The following MARCHF1 variants were observed in gnomAD, a reference collection of about 807,000 sequenced individuals.
The protein encoded by MARCHF1 is E3 ubiquitin-protein ligase MARCHF1.
In MARCHF1, 40 loss-of-function variants were observed where a neutral mutation model predicts 54.2. That is an observed-to-expected ratio of 0.74 (90% CI 0.57 to 0.96). The LOEUF is 0.96. Ranked by LOEUF, MARCHF1 falls within the 40% of genes least tolerant of loss-of-function variation. The pLI is 0.00. For synonymous variants in MARCHF1, 236 were observed against 236.3 expected (o/e 1.00, Z 0.01); for missense variants, 586 against 656.5 (o/e 0.89, Z 1.17).
chr4:163,912,014 T>C (rs1241630411), intron 3 of MARCHF1, among the ~76,000 whole-genome samples: 1 of 151,282 alleles, frequency 6.6e-6, no homozygotes, highest in Non-Finnish European at 1.5e-5. Context: ...AGAAAAGAAA[T>C]CGTTAGTCTA....
chr4:164,011,634 C>G (rs1261987883), intron 2 of MARCHF1, among the ~76,000 whole-genome samples: 1 of 152,094 alleles, frequency 6.6e-6, no homozygotes, highest in African/African-American at 2.4e-5. Context: ...CAGATGCTGG[C>G]AAGATGTGGG....
At chr4:164,208,582 A>C (rs1212331329) in intron 1 of MARCHF1, among the ~76,000 whole-genome samples, 2 of 152,192 alleles carry the variant, frequency 1.3e-5, no homozygotes, top group African/African-American at 4.8e-5. Flanking sequence ...CATTCTTCTC[A>C]ACATGGATAA....
At chr4:163,643,433 C>T (rs1432968822) in intron 5 of MARCHF1, among the ~76,000 whole-genome samples, 2 of 152,098 alleles carry the variant, frequency 1.3e-5, no homozygotes, top group Non-Finnish European at 2.9e-5. Flanking sequence ...CTTTAGCAGC[C>T]TCAAACTCCT....
intron 2 of MARCHF1, among the ~76,000 whole-genome samples, chr4:164,095,864 A>G (rs954316553): frequency 1.3e-5 from 2 of 152,132 alleles, no homozygotes; most frequent in African/African-American, 4.8e-5. Flanking sequence ...AACCACAATG[A>G]CATACCATCT....
intron 3 of MARCHF1, among the ~76,000 whole-genome samples, chr4:163,888,769 G>T (rs1040387365): frequency 4.6e-5 from 7 of 152,060 alleles, no homozygotes; most frequent in African/African-American, 7.2e-5. Context: ...CCCTCTGAAG[G>T]TTTTTTGGTT....
At chr4:163,678,144 T>C (rs1255977264) in intron 5 of MARCHF1, among the ~76,000 whole-genome samples, 3 of 152,204 alleles carry the variant, frequency 2.0e-5, no homozygotes, top group Non-Finnish European at 1.5e-5. Flanking sequence ...ATTCCTTGAT[T>C]CTCTGTTCTT....
intron 3 of MARCHF1, among the ~76,000 whole-genome samples, chr4:163,894,237 A>G (rs557536798): frequency 6.6e-6 from 1 of 152,110 alleles, no homozygotes; most frequent in South Asian, 2.1e-4. Context: ...CAGTTTGGCA[A>G]TTTTCCTCTA....
At chr4:164,207,240 A>G (rs189055169) in intron 1 of MARCHF1, among the ~76,000 whole-genome samples, 65 of 152,362 alleles carry the variant, frequency 4.3e-4, no homozygotes, top group African/African-American at 1.5e-3. Context: ...TCTGTATAAC[A>G]TGATCTCCTG....
At chr4:163,581,191 G>A (rs1740219765) in intron 8 of MARCHF1, among the ~76,000 whole-genome samples, 2 of 152,192 alleles carry the variant, frequency 1.3e-5, no homozygotes, top group Admixed American at 1.3e-4. Context: ...TTTAGAATCA[G>A]GGAGCTTTGA....
chr4:163,983,443 C>A (rs1461689481), intron 3 of MARCHF1, among the ~76,000 whole-genome samples: 1 of 151,936 alleles, frequency 6.6e-6, no homozygotes, highest in Non-Finnish European at 1.5e-5. Flanking sequence ...AAAATGAATT[C>A]TAGTCATATT....
chr4:163,930,834 G>A (rs932596272), intron 3 of MARCHF1, among the ~76,000 whole-genome samples: 5 of 152,026 alleles, frequency 3.3e-5, no homozygotes, highest in African/African-American at 1.2e-4. Flanking sequence ...TAAGACTTTT[G>A]GGGCTATTTG....
chr4:164,234,201 C>G (rs1732487640), intron 1 of MARCHF1, among the ~76,000 whole-genome samples: 1 of 152,026 alleles, frequency 6.6e-6, no homozygotes, highest in Non-Finnish European at 1.5e-5. Flanking sequence ...ATTTAACAAG[C>G]TACAGTTATT....
intron 1 of MARCHF1, among the ~76,000 whole-genome samples, chr4:164,173,257 T>C (rs1307369433): frequency 6.6e-6 from 1 of 152,000 alleles, no homozygotes; most frequent in African/African-American, 2.4e-5. Context: ...ATAATTTATT[T>C]AAAAGATGAT....
chr4:164,168,884 G>T (rs1730450854), intron 1 of MARCHF1, among the ~76,000 whole-genome samples: 1 of 151,960 alleles, frequency 6.6e-6, no homozygotes, highest in African/African-American at 2.4e-5. Flanking sequence ...ACTGTACAAA[G>T]AACTTAAATA....
chr4:163,738,944 G>A (rs1272911317), intron 4 of MARCHF1, among the ~76,000 whole-genome samples: 1 of 152,112 alleles, frequency 6.6e-6, no homozygotes, highest in African/African-American at 2.4e-5. Context: ...ACCCAAGACT[G>A]AAAAGAAGGG....
At chr4:163,994,970 T>C (rs9995104) in intron 2 of MARCHF1, among the ~76,000 whole-genome samples, 32,413 of 151,898 alleles carry the variant, frequency 0.21, 3,540 homozygotes, top group Middle Eastern at 0.32. Flanking sequence ...ACCAAATGTG[T>C]AGGTTTTTTT....
rs529539639 is a variant in MARCHF1, at chr4:164,273,345, C to A, written c.-323+110525G>T. On this transcript the variant is annotated intron_variant, in intron 1 of 9. Transcript: ENST00000514618. ...AGAACTCACTATCACAAGAAGAGCA[C>A]GGGGGAAACTGCCCCCATGATTCAA... Among the ~76,000 whole-genome samples, 5 of 152,148 alleles carry A rather than the reference C, an allele frequency of 3.3e-5. No individual in the cohort carries two copies. The South Asian group carries it at 1.0e-3, about 32-fold the overall frequency.
At position 164,274,659 on chromosome 4, in the gene MARCHF1, C is replaced by CTTCTTTTTTTTTTTTTTTTTTT. The variant is rs1733826760; in HGVS notation, c.-323+109210_-323+109211insAAAAAAAAAAAAAAAAAAAGAA. Among the ~76,000 whole-genome samples, 8 of 44,658 alleles carry CTTCTTTTTTTTTTTTTTTTTTT rather than the reference C, an allele frequency of 1.8e-4. 3 individuals carry two copies. Among genetic ancestry groups the CTTCTTTTTTTTTTTTTTTTTTT allele is most frequent in the African/African-American group, 6.0e-4 (8 of 13,418 alleles). 29.3% of individuals were successfully genotyped at this position (44,658 alleles called of 152,430 possible). A position where few individuals can be genotyped will look rare whatever the true frequency, so the allele number is the denominator to read the frequency against. On this transcript the variant is annotated intron_variant, in intron 1 of 9. Transcript: ENST00000514618. ...CGCTTGATGTGTGCTTCAGGGTACA[C>CTTCTTTTTTTTTTTTTTTTTTT]TTTTTTTTTTTTTTTTTTTTTTTTT...
intron 1 of MARCHF1, among the ~76,000 whole-genome samples, chr4:164,183,676 T>C (rs1730892281): frequency 6.6e-6 from 1 of 152,322 alleles, no homozygotes; most frequent in East Asian, 1.9e-4. Flanking sequence ...CCACACATAG[T>C]GCTGGGTGAT....
Sources: gnomAD v4.1 joint callset for allele counts (sites outside exome capture counted in the v4.1 genomes callset) on GRCh38, gnomAD v4.1.1 for gene constraint, MANE v1.5 for transcripts, NCBI Gene and HGNC (gene_info 2026-07-23, HGNC 2026-07-21) for gene names.